SETD2: variants seen among roughly 807,000 people sequenced by gnomAD.
The protein encoded by SETD2 is histone-lysine N-methyltransferase SETD2.
A neutral mutation model predicts 242.1 loss-of-function variants in SETD2; 31 were observed. The ratio of observed to expected loss-of-function variants is 0.13; its 90% CI spans 0.10 to 0.17. The LOEUF is 0.17. Ranked by LOEUF, SETD2 falls within the 10% of genes least tolerant of loss-of-function variation. The pLI is 1.00. For missense variants in SETD2, 2,481 were observed against 3,046.3 expected, an observed-to-expected ratio of 0.81 and a Z score of 4.37; for synonymous variants, 1,006 against 1,066.5, an observed-to-expected ratio of 0.94 and a Z score of 1.11.
At chr3:47,063,191 T>C (rs1030536010) in intron 13 of SETD2, among the ~76,000 whole-genome samples, 1 of 152,214 alleles carries the variant, frequency 6.6e-6, no homozygotes, top group Non-Finnish European at 1.5e-5. Flanking sequence ...CCACTGTATG[T>C]GTGGACTTGT....
chr3:47,128,619 T>A (rs1430049177), intron 1 of SETD2, among the ~76,000 whole-genome samples: 1 of 152,162 alleles, frequency 6.6e-6, no homozygotes, highest in African/African-American at 2.4e-5. Flanking sequence ...TGATAATACA[T>A]GAATGAGATC....
At chr3:47,138,527 T>C (rs988378556) in intron 1 of SETD2, among the ~76,000 whole-genome samples, 1 of 152,122 alleles carries the variant, frequency 6.6e-6, no homozygotes, top group African/African-American at 2.4e-5. Context: ...GTTCAAGTGA[T>C]TCTCCTGCCT....
At chr3:47,044,166 C>T (rs997751634) in intron 16 of SETD2, among the ~76,000 whole-genome samples, 2 of 151,488 alleles carry the variant, frequency 1.3e-5, no homozygotes, top group African/African-American at 4.9e-5. Context: ...CATAGTGAAA[C>T]CCTGTCTCTA....
intron 17 of SETD2, chr3:47,041,451 G>C (rs1247201722): frequency 2.7e-6 from 1 of 366,550 alleles, no homozygotes; most frequent in Non-Finnish European, 5.4e-6. Context: ...AGTTCGTGCA[G>C]ATCAGTCTGG....
At chr3:47,163,700 GC>G in intron 1 of SETD2, 153 bp downstream of exon 1, 1 of 603,184 alleles carries the variant, frequency 1.7e-6, no homozygotes, top group Non-Finnish European at 2.4e-6. Context: ...GCTCGAAGTG[GC>G]GGCGCGGGCC....
intron 5 of SETD2, among the ~76,000 whole-genome samples, chr3:47,110,448 C>T (rs1232459084): frequency 6.6e-6 from 1 of 152,192 alleles, no homozygotes; most frequent in Non-Finnish European, 1.5e-5. Context: ...AATTAAAACC[C>T]TATCTGGTAT....
rs753355882 is a variant in SETD2, at chr3:47,037,781, G to GA, written c.7239-5dup. The GA allele has an allele frequency of 1.9e-5, 31 of 1,609,916 alleles. No individual in the cohort carries two copies. Among genetic ancestry groups the GA allele is most frequent in the Non-Finnish European group, 2.4e-5 (28 of 1,176,554 alleles). ...AGGAGGATCCCACTGAGTCTGCCTAGAAAGAGACAAAAACAGCCATGCTGT... is the reference window on the plus strand; with the variant it reads ...AGGAGGATCCCACTGAGTCTGCCTAGAAAAGAGACAAAAACAGCCATGCTGT... On this transcript the variant is annotated splice_region_variant and splice_polypyrimidine_tract_variant and intron_variant, in intron 17 of 20. Coordinates refer to ENST00000409792, the MANE Select transcript of SETD2 (RefSeq NM_014159.7).
At chr3:47,082,266 T>C (rs914329341) in intron 12 of SETD2, among the ~76,000 whole-genome samples, 1 of 152,224 alleles carries the variant, frequency 6.6e-6, no homozygotes, top group African/African-American at 2.4e-5. Context: ...AACCAGAGAC[T>C]TCTCCGGCAA....
Position 47,122,796 on chromosome 3 carries a change from A to T in SETD2, c.1840T>A (p.Ser614Thr), listed in dbSNP as rs780739486. The change falls in exon 3 of 21, where the codon TCT becomes ACT. Residue 614 changes from serine to threonine, a missense_variant. Ser to Thr is a moderately conservative substitution (Grantham distance 58). Transcript: ENST00000409792. ...TTTAATCGATTTGATGGAGCTGGAG[A>T]CCCAGCCTTTTCTCTTTCAGGATTT... ...NKNPEREKAG[S>T]PAPSNRLNDS... 3.7e-6 allele frequency: 6 copies of T among 1,613,210 alleles called. No individual in the cohort carries two copies. The highest frequency in any genetic ancestry group is 5.1e-6 in the Non-Finnish European group (6 of 1,179,756).
intron 15 of SETD2, among the ~76,000 whole-genome samples, chr3:47,047,252 T>A (rs1005012152): frequency 2.0e-5 from 3 of 152,142 alleles, no homozygotes; most frequent in Non-Finnish European, 4.4e-5. Flanking sequence ...TTAACATACA[T>A]CATCTCATTT....
At chr3:47,135,371 C>G (rs1457147552) in intron 1 of SETD2, among the ~76,000 whole-genome samples, 1 of 152,290 alleles carries the variant, frequency 6.6e-6, no homozygotes, top group East Asian at 1.9e-4. Context: ...GCCTCCCGGG[C>G]TCAAGCTGTC....
chr3:47,152,137 A>T (rs1269255661), intron 1 of SETD2, among the ~76,000 whole-genome samples: 1 of 152,232 alleles, frequency 6.6e-6, no homozygotes, highest in Admixed American at 6.5e-5. Context: ...CTCAATAGAC[A>T]TGGTAAGCTT....
intron 12 of SETD2, among the ~76,000 whole-genome samples, chr3:47,070,786 C>T (rs2040786945): frequency 1.3e-5 from 2 of 152,244 alleles, no homozygotes; most frequent in South Asian, 4.1e-4. Context: ...TATGATCTGC[C>T]AAACAAGGGA....
chr3:47,086,749 G>GT (rs568512043), intron 10 of SETD2, among the ~76,000 whole-genome samples: 133 of 150,660 alleles, frequency 8.8e-4, no homozygotes, highest in Admixed American at 2.5e-3. Context: ...AATCATCATG[G>GT]TTTTTTTACA....
intron 18 of SETD2, among the ~76,000 whole-genome samples, chr3:47,033,652 ATTTTTTTTT>A (rs34978514): frequency 3.3e-5 from 3 of 90,856 alleles, no homozygotes; most frequent in African/African-American, 4.5e-5. Flanking sequence ...TCATGGTTTG[ATTTTTTTTT>A]TTTTTTTTTT....
At chr3:47,161,240 G>A (rs935634561) in intron 1 of SETD2, among the ~76,000 whole-genome samples, 3 of 152,064 alleles carry the variant, frequency 2.0e-5, no homozygotes, top group Non-Finnish European at 4.4e-5. Flanking sequence ...TGCTCTTCAT[G>A]CATTATCTCA....
intron 14 of SETD2, among the ~76,000 whole-genome samples, chr3:47,060,986 G>A (rs912021424): frequency 2.0e-5 from 3 of 152,152 alleles, no homozygotes; most frequent in African/African-American, 7.2e-5. Context: ...ACTTTGGGAG[G>A]CTGAGGCAGA....
intron 16 of SETD2, among the ~76,000 whole-genome samples, chr3:47,043,171 A>G (rs2039364024): frequency 6.6e-6 from 1 of 152,204 alleles, no homozygotes. Flanking sequence ...TGAAAAACAT[A>G]AAAACCTCAT....
intron 8 of SETD2, among the ~76,000 whole-genome samples, chr3:47,101,230 T>C (rs1575774022): frequency 6.6e-6 from 1 of 152,040 alleles, no homozygotes; most frequent in African/African-American, 2.4e-5. Context: ...ATTATACAAG[T>C]AGACCATATG....
Sources: allele counts gnomAD v4.1 joint callset (sites outside exome capture counted in the v4.1 genomes callset), GRCh38; gene constraint gnomAD v4.1.1; transcripts MANE v1.5; gene names NCBI Gene and HGNC (gene_info 2026-07-23, HGNC 2026-07-21).